MAP2: variants seen among roughly 807,000 people sequenced by gnomAD.
MAP2 encodes microtubule associated protein 2, also known as microtubule-associated protein 2.
A neutral mutation model predicts 137.6 loss-of-function variants in MAP2; 14 were observed. That is an observed-to-expected ratio of 0.10 (90% CI 0.07 to 0.16). The LOEUF (loss-of-function observed/expected upper bound fraction) is 0.16. Ranked by LOEUF, MAP2 falls within the 10% of genes least tolerant of loss-of-function variation. MAP2 has a pLI of 1.00. For missense variants in MAP2, 2,088 were observed against 2,191.5 expected (o/e 0.95, Z 0.94); for synonymous variants, 786 against 782.3 (o/e 1.00, Z -0.08).
chr2:209,471,994 A>G (rs1338511353), intron 1 of MAP2, among the ~76,000 whole-genome samples: 1 of 152,092 alleles, frequency 6.6e-6, no homozygotes, highest in Non-Finnish European at 1.5e-5. Context: ...CCCCACCACC[A>G]CTTCATCCCA....
chr2:209,502,878 T>C (rs2060553674), intron 1 of MAP2, among the ~76,000 whole-genome samples: 1 of 152,198 alleles, frequency 6.6e-6, no homozygotes, highest in Non-Finnish European at 1.5e-5. Context: ...GCCATTGTCA[T>C]GTCTTCTTTG....
chr2:209,562,833 C>T (rs1316955700), intron 2 of MAP2, among the ~76,000 whole-genome samples: 2 of 152,182 alleles, frequency 1.3e-5, no homozygotes, highest in African/African-American at 4.8e-5. Flanking sequence ...CTTGACTCCT[C>T]AACTAGCCTT....
intron 1 of MAP2, among the ~76,000 whole-genome samples, chr2:209,440,135 C>T (rs1006732702): frequency 5.3e-5 from 8 of 151,374 alleles, no homozygotes; most frequent in Non-Finnish European, 1.2e-4. Context: ...TTTTTGTTTC[C>T]TTGTTTGTAC....
intron 5 of MAP2, among the ~76,000 whole-genome samples, chr2:209,674,179 G>C (rs2050186078): frequency 6.6e-6 from 1 of 151,818 alleles, no homozygotes; most frequent in Admixed American, 6.6e-5. Flanking sequence ...TATATTTTCA[G>C]ATGGTTATAA....
In MAP2 at chr2:209,696,636, T is replaced by C. The variant is rs2060252997; in HGVS notation, c.4275T>C (p.His1425=). ...KEARRSSLEK[H]RKEKPFKTGR... is the part of the protein sequence containing the mutation. ...CTCGGAGATCATCTCTTGAGAAACA[T>C]AGAAAAGAAAAGCCTTTTAAAACCG... The change falls in exon 9 of 16, where the codon CAT becomes CAC. Residue 1425 remains histidine, a synonymous_variant. Coordinates refer to ENST00000682079, the MANE Select transcript of MAP2 (RefSeq NM_001375505.1). 2 of 1,613,706 alleles carry C rather than the reference T, an allele frequency of 1.2e-6. No homozygotes were observed. Among genetic ancestry groups the C allele is most frequent in the Non-Finnish European group, 1.7e-6 (2 of 1,179,852 alleles).
intron 1 of MAP2, among the ~76,000 whole-genome samples, chr2:209,495,341 G>C (rs1028469739): frequency 6.6e-6 from 1 of 152,246 alleles, no homozygotes; most frequent in Non-Finnish European, 1.5e-5. Context: ...TCTGCTAAGG[G>C]ACAGACTGCC....
intron 5 of MAP2, among the ~76,000 whole-genome samples, chr2:209,669,024 G>T (rs2047582970): frequency 1.3e-5 from 2 of 152,130 alleles, no homozygotes; most frequent in Admixed American, 1.3e-4. Flanking sequence ...TTTAAAGTCT[G>T]TCAAGTCATT....
In MAP2 at chr2:209,614,661, C is replaced by A. The variant is rs2710486; in HGVS notation, c.-106-10392C>A. On this transcript the variant is annotated intron_variant, in intron 3 of 15. Coordinates refer to ENST00000682079, the MANE Select transcript of MAP2 (RefSeq NM_001375505.1). ...TAAGAGAAACTCACTTTTTAAAATG[C>A]GTTATTACAAGCAATCGCTTTAGTA... Among the ~76,000 whole-genome samples the A allele has an allele frequency of 7.2e-5, 11 of 152,096 alleles. No homozygotes were observed. In the East Asian group the frequency reaches 2.1e-3, roughly 29 times the overall value.
rs1433822248 is a variant in MAP2, at chr2:209,619,276, T to G, written c.-106-5777T>G. Among the ~76,000 whole-genome samples, 10 of 152,284 alleles carry G rather than the reference T, an allele frequency of 6.6e-5. No individual in the cohort carries two copies. The East Asian group carries it at 1.9e-3, about 29-fold the overall frequency. On this transcript the variant is annotated intron_variant, in intron 3 of 15. Transcript: ENST00000682079. ...TGAAAAATGTTAACAGAATAGATTG[T>G]AAATGTTCTCACCACAAAAAATGAC...
At position 209,507,196 on chromosome 2, in the gene MAP2, G is replaced by A. The variant is rs190720782; in HGVS notation, c.-221-396G>A. Among the ~76,000 whole-genome samples, 193 of 152,154 alleles carry A rather than the reference G, an allele frequency of 1.3e-3. 1 individual carries two copies. Among genetic ancestry groups the A allele is most frequent in the Non-Finnish European group, 2.1e-3 (144 of 68,008 alleles). On this transcript the variant is annotated intron_variant, in intron 1 of 15. Transcript: ENST00000682079. ...GTGGGGACACTAGCATTCAGTCTATGGCAGGATCAAAATGCCTGAGTTTTA... is the reference window on the plus strand; with the variant it reads ...GTGGGGACACTAGCATTCAGTCTATAGCAGGATCAAAATGCCTGAGTTTTA...
chr2:209,648,138 G>A (rs999739104), intron 4 of MAP2, among the ~76,000 whole-genome samples: 3 of 146,562 alleles, frequency 2.0e-5, no homozygotes, highest in African/African-American at 7.6e-5. Flanking sequence ...GTCTCACTCT[G>A]TTGCCCAGGC....
At position 209,731,654 on chromosome 2, in the gene MAP2, A is replaced by G. The variant is rs1333087927; in HGVS notation, c.*1257A>G. On this transcript the variant is annotated 3_prime_UTR_variant, in exon 16 of 16. Coordinates refer to ENST00000682079, the MANE Select transcript of MAP2 (RefSeq NM_001375505.1). ...TTTTTTTTTCCATTTGCTAAAGTTGAAAGTTGAAACTAACTATAATAGTTT... is the reference window on the plus strand; with the variant it reads ...TTTTTTTTTCCATTTGCTAAAGTTGGAAGTTGAAACTAACTATAATAGTTT... 6.6e-6 allele frequency: 1 copy of G among 152,614 alleles called. No individual in the cohort carries two copies. Among genetic ancestry groups the G allele is most frequent in the East Asian group, 1.9e-4 (1 of 5,202 alleles). The allele number at this position is 152,614 out of a possible 1,614,324, so 9.5% of individuals were successfully genotyped here. A position where few individuals can be genotyped will look rare whatever the true frequency, so the allele number is the denominator to read the frequency against.
intron 3 of MAP2, among the ~76,000 whole-genome samples, chr2:209,624,672 G>A (rs1367500381): frequency 6.6e-6 from 1 of 152,126 alleles, no homozygotes; most frequent in Non-Finnish European, 1.5e-5. Context: ...AAGATTACTG[G>A]ATATAATTAA....
chr2:209,502,175 C>G (rs1049492823), intron 1 of MAP2, among the ~76,000 whole-genome samples: 1 of 152,112 alleles, frequency 6.6e-6, no homozygotes, highest in African/African-American at 2.4e-5. Flanking sequence ...AGTCGTCATG[C>G]TATACATTAG....
At chr2:209,613,040 C>T (rs924129993) in intron 3 of MAP2, among the ~76,000 whole-genome samples, 2 of 152,042 alleles carry the variant, frequency 1.3e-5, no homozygotes, top group African/African-American at 2.4e-5. Context: ...GCTAAAATTA[C>T]CTTCTATTAG....
chr2:209,501,047 A>AAAAG (rs2060319691), intron 1 of MAP2, among the ~76,000 whole-genome samples: 1 of 151,554 alleles, frequency 6.6e-6, no homozygotes, highest in South Asian at 2.1e-4. Context: ...CAAAAAAAAA[A>AAAAG]AAAAAAGCCT....
intron 1 of MAP2, among the ~76,000 whole-genome samples, chr2:209,475,349 C>T (rs1706944555): frequency 1.3e-5 from 2 of 152,042 alleles, no homozygotes; most frequent in South Asian, 4.1e-4. Flanking sequence ...ATTTAAGCCA[C>T]TGTATACAAC....
chr2:209,476,431 A>G (rs1175900560), intron 1 of MAP2, among the ~76,000 whole-genome samples: 1 of 145,514 alleles, frequency 6.9e-6, no homozygotes, highest in Non-Finnish European at 1.5e-5. Flanking sequence ...TGCTATACGT[A>G]TAATTCAGGC....
intron 11 of MAP2, chr2:209,703,887 T>G (rs910046355): frequency 2.4e-6 from 1 of 418,696 alleles, no homozygotes; most frequent in African/African-American, 2.0e-5. Context: ...GTAATAAACA[T>G]GGATACCTGT....
Sources: allele counts gnomAD v4.1 joint callset (sites outside exome capture counted in the v4.1 genomes callset), GRCh38; gene constraint gnomAD v4.1.1; transcripts MANE v1.5; gene names NCBI Gene and HGNC (gene_info 2026-07-23, HGNC 2026-07-21).